PDSS1: variants seen among roughly 807,000 people sequenced by gnomAD.
The protein encoded by PDSS1 is decaprenyl diphosphate synthase subunit 1, also known as all trans-polyprenyl-diphosphate synthase PDSS1.
A neutral mutation model predicts 57.5 loss-of-function variants in PDSS1; 43 were observed. That is an observed-to-expected ratio of 0.75 (90% CI 0.59 to 0.96). The LOEUF is 0.96. Ranked by LOEUF, PDSS1 falls within the 50% of genes least tolerant of loss-of-function variation. The pLI is 0.00. For synonymous variants in PDSS1, 175 were observed against 191.3 expected (o/e 0.91, Z 0.70); for missense variants, 438 against 527.8 (o/e 0.83, Z 1.67).
rs1283779020 is a variant in PDSS1 at position 26,718,043 on chromosome 10, T to A, written c.468-2175T>A. The stretch of plus-strand genomic sequence containing the variant: ...CTCATTTACTGAAGTTTATTGGGGT[T>A]TTTGGTTTTTTTGTGTTTTTTTGAA... On this transcript the variant is annotated intron_variant, in intron 5 of 11. Transcript: ENST00000376215. 3.1e-5 allele frequency: 4 copies of A among 129,606 alleles called. No individual in the cohort carries two copies. In the East Asian group the frequency reaches 9.8e-4, roughly 32 times the overall value. 8.0% of individuals were successfully genotyped at this position (129,606 alleles called of 1,614,324 possible). A position where few individuals can be genotyped will look rare whatever the true frequency, so the allele number is the denominator to read the frequency against.
Position 26,697,743 on chromosome 10 carries a change from G to T in PDSS1, c.32G>T (p.Gly11Val). MASRWWRWRR[G>V]CSWKPAARSP... ...TCGCGCTGGTGGCGGTGGCGGCGCG[G>T]CTGCTCCTGGAAGCCGGCGGCGCGG... The change falls in exon 1 of 12, where the codon GGC (glycine) becomes GTC (valine). Residue 11 changes from glycine (G) to valine (V), a missense_variant. Physicochemically the swap from Gly to Val is moderately radical, Grantham distance 109 (BLOSUM62 -3). Transcript: ENST00000376215. The T allele has an allele frequency of 7.7e-7, 1 of 1,295,790 alleles. No homozygotes were observed. Among genetic ancestry groups the T allele is most frequent in the Non-Finnish European group, 9.7e-7 (1 of 1,026,520 alleles). The allele number at this position is 1,295,790 out of a possible 1,614,324, so 80.3% of individuals were successfully genotyped here.
At chr10:26,738,139 A>G (rs1294459193) in intron 10 of PDSS1, among the ~76,000 whole-genome samples, 2 of 152,256 alleles carry the variant, frequency 1.3e-5, no homozygotes, top group African/African-American at 2.4e-5. Context: ...GTGTCAAAAG[A>G]TATATGGGAC....
intron 11 of PDSS1, 23 bp from the exon 12 acceptor site, chr10:26,746,310 C>G (rs763824348): frequency 1.2e-6 from 2 of 1,613,434 alleles, no homozygotes; most frequent in Non-Finnish European, 8.5e-7. Context: ...GGCATCTGTT[C>G]TGTTTTGTTC....
chr10:26,698,851 C>A (rs776621643), intron 1 of PDSS1, among the ~76,000 whole-genome samples: 4 of 152,194 alleles, frequency 2.6e-5, no homozygotes, highest in Non-Finnish European at 5.9e-5. Context: ...GGGCCAGGCA[C>A]AGTGGCTCAC....
chr10:26,740,718 C>T (rs780763926), intron 10 of PDSS1: 33 of 456,554 alleles, frequency 7.2e-5, no homozygotes, highest in Non-Finnish European at 1.3e-5. Context: ...CTTACCTCTT[C>T]CGTGGAGCCA....
In PDSS1 at chr10:26,697,816, C is replaced by T; in HGVS notation, c.105C>T (p.Ser35=). The T allele has an allele frequency of 7.5e-7, 1 of 1,338,840 alleles. No individual in the cohort carries two copies. Among genetic ancestry groups the T allele is most frequent in the South Asian group, 1.9e-5 (1 of 52,328 alleles). The allele number at this position is 1,338,840 out of a possible 1,614,324, so 82.9% of individuals were successfully genotyped here. The change falls in exon 1 of 12, where the codon AGC becomes AGT. Residue 35 remains serine (S), a synonymous_variant. Coordinates refer to ENST00000376215, the MANE Select transcript of PDSS1 (RefSeq NM_014317.5). ...SPGRAGPLGP[S]AAAEVRAQVH... Reference sequence around the variant, plus strand: ...GCCGTGCGGGACCGTTGGGGCCGAGCGCCGCTGCCGAAGTCCGCGCGCAGG... The same window carrying T: ...GCCGTGCGGGACCGTTGGGGCCGAGTGCCGCTGCCGAAGTCCGCGCGCAGG...
intron 1 of PDSS1, among the ~76,000 whole-genome samples, chr10:26,699,460 T>C (rs1834976828): frequency 6.6e-6 from 1 of 150,638 alleles, no homozygotes; most frequent in Admixed American, 6.6e-5. Flanking sequence ...AGTGGCGGAA[T>C]CTCGGCTCAC....
Position 26,698,083 on chromosome 10 carries a change from C to T in PDSS1, c.129+243C>T, listed in dbSNP as rs1393022300. Among the ~76,000 whole-genome samples the T allele has an allele frequency of 2.6e-5, 4 of 151,188 alleles. No individual in the cohort carries two copies. In the East Asian group the frequency reaches 7.9e-4, roughly 30 times the overall value. ...TGCAGAAAGCGGTGTCCTGGGGACC[C>T]CGGGAGCGTTTTGGGGGGTGGAGAA... On this transcript the variant is annotated intron_variant, in intron 1 of 11. Transcript: ENST00000376215.
rs1404349218 is a variant in PDSS1 at position 26,710,765 on chromosome 10, C to T, written c.467+997C>T. On this transcript the variant is annotated intron_variant, in intron 5 of 11. Transcript: ENST00000376215. ...AAGTTTAAAGGACAGGATGTTTATT[C>T]GGGATTATCCCCTGGGATTACTGAC... Among the ~76,000 whole-genome samples, 4 of 98,916 alleles carry T rather than the reference C, an allele frequency of 4.0e-5. 2 individuals carry two copies. Among genetic ancestry groups the T allele is most frequent in the Non-Finnish European group, 4.7e-5 (2 of 42,640 alleles). 64.9% of individuals were successfully genotyped at this position (98,916 alleles called of 152,430 possible). A position where few individuals can be genotyped will look rare whatever the true frequency, so the allele number is the denominator to read the frequency against.
intron 1 of PDSS1, 50 bp downstream of exon 1, chr10:26,697,890 A>G (rs986483461): frequency 8.8e-6 from 11 of 1,244,490 alleles, no homozygotes; most frequent in East Asian, 6.7e-5. Context: ...CACGGCTCCA[A>G]TGACAGCAGT....
chr10:26,708,062 C>T (rs1282772898), intron 4 of PDSS1, among the ~76,000 whole-genome samples: 2 of 152,228 alleles, frequency 1.3e-5, no homozygotes, highest in African/African-American at 2.4e-5. Flanking sequence ...GACAGCACCA[C>T]ACCCATCACA....
intron 11 of PDSS1, among the ~76,000 whole-genome samples, chr10:26,744,975 C>T (rs1389118159): frequency 1.3e-5 from 2 of 151,742 alleles, no homozygotes; most frequent in Non-Finnish European, 2.9e-5. Flanking sequence ...ACCAGCCTGG[C>T]CAACATGGTG....
intron 1 of PDSS1, among the ~76,000 whole-genome samples, chr10:26,698,618 GCCATGGGGTAGGC>G (rs1834952028): frequency 6.6e-6 from 1 of 152,312 alleles, no homozygotes; most frequent in South Asian, 2.1e-4. Flanking sequence ...TTCTCAGTGT[GCCATGGGGTAGGC>G]CCATGCTATT....
chr10:26,713,244 A>G (rs781292733), intron 5 of PDSS1, among the ~76,000 whole-genome samples: 4 of 148,930 alleles, frequency 2.7e-5, no homozygotes, highest in Non-Finnish European at 5.9e-5. Context: ...GTGAGCCGAG[A>G]TCACGCCATT....
chr10:26,742,492 G>T lies in PDSS1; in HGVS notation c.1027-5G>T, dbSNP rs1454162985. 1.2e-6 allele frequency: 2 copies of T among 1,604,118 alleles called. No individual in the cohort carries two copies. Among genetic ancestry groups the T allele is most frequent in the South Asian group, 2.2e-5 (2 of 90,876 alleles). Reference sequence around the variant, plus strand: ...TTTCTCAGATTTTCTCTCTTTTTTTGTTAGTTCCCAGAAATGAATGCTATG... The same window carrying T: ...TTTCTCAGATTTTCTCTCTTTTTTTTTTAGTTCCCAGAAATGAATGCTATG... On this transcript the variant is annotated splice_region_variant and splice_polypyrimidine_tract_variant and intron_variant, in intron 10 of 11. Coordinates refer to ENST00000376215, the MANE Select transcript of PDSS1 (RefSeq NM_014317.5).
At chr10:26,698,397 G>T (rs1834942735) in intron 1 of PDSS1, among the ~76,000 whole-genome samples, 1 of 152,150 alleles carries the variant, frequency 6.6e-6, no homozygotes, top group African/African-American at 2.4e-5. Context: ...GAGCACACCT[G>T]GATGGGGCTG....
At chr10:26,698,298 C>T (rs1323152711) in intron 1 of PDSS1, among the ~76,000 whole-genome samples, 1 of 152,050 alleles carries the variant, frequency 6.6e-6, no homozygotes, top group African/African-American at 2.4e-5. Flanking sequence ...GAATCGGCCT[C>T]GGAATAGTCC....
rs1055636428 is a variant in PDSS1 at position 26,711,044 on chromosome 10, A to G, written c.467+1276A>G. Among the ~76,000 whole-genome samples the G allele has an allele frequency of 8.1e-5, 8 of 98,466 alleles. 2 individuals carry two copies. The highest frequency in any genetic ancestry group is 1.4e-4 in the Non-Finnish European group (6 of 42,322). The allele number at this position is 98,466 out of a possible 152,430, so 64.6% of individuals were successfully genotyped here. A position where few individuals can be genotyped will look rare whatever the true frequency, so the allele number is the denominator to read the frequency against. Reference sequence around the variant, plus strand: ...CTGATACAGCAGCTGGGGCAGAGTCATGCACTGACGGGGGATCTGGGGGCA... The same window carrying G: ...CTGATACAGCAGCTGGGGCAGAGTCGTGCACTGACGGGGGATCTGGGGGCA... On this transcript the variant is annotated intron_variant, in intron 5 of 11. Coordinates refer to ENST00000376215, the MANE Select transcript of PDSS1 (RefSeq NM_014317.5).
intron 4 of PDSS1, among the ~76,000 whole-genome samples, chr10:26,708,348 G>C (rs1401421011): frequency 6.6e-6 from 1 of 152,140 alleles, no homozygotes. Context: ...CAGCCGGAAG[G>C]CTCTTGTCCT....
Sources: gnomAD v4.1 joint callset for allele counts (sites outside exome capture counted in the v4.1 genomes callset) on GRCh38, gnomAD v4.1.1 for gene constraint, MANE v1.5 for transcripts, NCBI Gene and HGNC (gene_info 2026-07-23, HGNC 2026-07-21) for gene names.